Variants in RNF130 observed in about 807,000 individuals in gnomAD.
RNF130 encodes ring finger protein 130, also known as E3 ubiquitin-protein ligase RNF130.
A neutral mutation model predicts 44.6 loss-of-function variants in RNF130; 21 were observed. That is an observed-to-expected ratio of 0.47 (90% CI 0.33 to 0.68). The LOEUF (loss-of-function observed/expected upper bound fraction) is 0.68. RNF130 is among the 30% of genes least tolerant of loss of function. RNF130 has a pLI of 0.02. For synonymous variants in RNF130, 214 were observed against 210.4 expected, an observed-to-expected ratio of 1.02 and a Z score of -0.15; for missense variants, 479 against 560.6, an observed-to-expected ratio of 0.85 and a Z score of 1.47.
At chr5:180,009,577 G>A (rs1476520743) in intron 3 of RNF130, among the ~76,000 whole-genome samples, 2 of 152,212 alleles carry the variant, frequency 1.3e-5, no homozygotes, top group African/African-American at 4.8e-5. Flanking sequence ...AACACCAAGT[G>A]CTGTCGAGAG....
chr5:180,035,572 A>C (rs1157577124), intron 2 of RNF130, among the ~76,000 whole-genome samples: 4 of 152,208 alleles, frequency 2.6e-5, no homozygotes, highest in Non-Finnish European at 4.4e-5. Context: ...CTATCTAGCT[A>C]TTCTATCAAT....
chr5:180,070,866 C>T (rs1439573043), intron 1 of RNF130, among the ~76,000 whole-genome samples: 1 of 152,112 alleles, frequency 6.6e-6, no homozygotes, highest in Non-Finnish European at 1.5e-5. Flanking sequence ...GCTAGTAGTT[C>T]CGATTAGTGT....
intron 2 of RNF130, among the ~76,000 whole-genome samples, chr5:180,034,203 T>TA (rs564028581): frequency 0.038 from 5,537 of 145,618 alleles, 345 homozygotes; most frequent in African/African-American, 0.13. Context: ...TTTTCAGATG[T>TA]AAAAAAAAAA....
At chr5:180,010,505 G>A (rs867238934) in intron 3 of RNF130, among the ~76,000 whole-genome samples, 1 of 151,990 alleles carries the variant, frequency 6.6e-6, no homozygotes, top group African/African-American at 2.4e-5. Context: ...GACTACAGGC[G>A]CATGGCACCT....
intron 1 of RNF130, among the ~76,000 whole-genome samples, chr5:180,052,628 A>G (rs1204965412): frequency 6.6e-6 from 1 of 152,222 alleles, no homozygotes; most frequent in Non-Finnish European, 1.5e-5. Flanking sequence ...TCTGGACCAT[A>G]ATTTAAAATG....
At chr5:179,921,100 CT>C (rs1761626156) in intron 7 of RNF130, among the ~76,000 whole-genome samples, 1 of 152,048 alleles carries the variant, frequency 6.6e-6, no homozygotes, top group Admixed American at 6.6e-5. Context: ...TTCTATAAAA[CT>C]GTTTTTAAGC....
At chr5:179,935,347 G>A (rs1490957455) in intron 7 of RNF130, among the ~76,000 whole-genome samples, 4 of 151,976 alleles carry the variant, frequency 2.6e-5, no homozygotes, top group African/African-American at 9.7e-5. Flanking sequence ...TAGTTGATGA[G>A]GGCTATATAA....
chr5:180,067,295 G>A (rs765574528), intron 1 of RNF130, among the ~76,000 whole-genome samples: 23 of 151,936 alleles, frequency 1.5e-4, no homozygotes, highest in Admixed American at 1.2e-3. Context: ...AAGCTATATA[G>A]CCCATCATTG....
chr5:179,983,002 T>A (rs1453643106), intron 3 of RNF130, among the ~76,000 whole-genome samples: 2 of 152,352 alleles, frequency 1.3e-5, no homozygotes, highest in Middle Eastern at 6.8e-3. Context: ...TTTGCCTATA[T>A]GTGTACATTG....
In RNF130 at chr5:180,022,625, G is replaced by GA. The variant is rs559939685; in HGVS notation, c.443-9315dup. ...GCCACGGCACACATCAATGTACACG[G>GA]AGCTCACGTGACTGAAGGTTCCCAG... On this transcript the variant is annotated intron_variant, in intron 2 of 8. Coordinates refer to ENST00000521389, the MANE Select transcript of RNF130 (RefSeq NM_018434.6). Among the ~76,000 whole-genome samples, 25 of 152,268 alleles carry GA rather than the reference G, an allele frequency of 1.6e-4. No homozygotes were observed. The South Asian group carries it at 5.2e-3, about 32-fold the overall frequency.
In RNF130 at chr5:180,013,239, T is replaced by C; in HGVS notation, c.515A>G (p.Asn172Ser). 1.2e-6 allele frequency: 2 copies of C among 1,614,164 alleles called. No homozygotes were observed. The highest frequency in any genetic ancestry group is 1.7e-6 in the Non-Finnish European group (2 of 1,180,022). The part of the protein sequence containing the change: ...GKDILSYLEK[N>S]ISVQMTIAVG... ...AGCTATTGTCATTTGTACAGAGATGTTTTTCTCCAGATAACTCAAAATATC... is the reference window on the plus strand; with the variant it reads ...AGCTATTGTCATTTGTACAGAGATGCTTTTCTCCAGATAACTCAAAATATC... The change falls in exon 3 of 9, where the codon AAC (asparagine) becomes AGC (serine). Residue 172 changes from asparagine (N) to serine (S), a missense_variant. Coordinates refer to ENST00000521389, the MANE Select transcript of RNF130 (RefSeq NM_018434.6).
intron 2 of RNF130, among the ~76,000 whole-genome samples, chr5:180,017,032 T>C (rs1582192491): frequency 6.6e-6 from 1 of 152,198 alleles, no homozygotes; most frequent in Non-Finnish European, 1.5e-5. Context: ...TGTTTAGTTT[T>C]GTGTCCAGGA....
rs751757696 is a variant in RNF130 at position 179,955,652 on chromosome 5, C to T, written c.*2G>A. 6.3e-7 allele frequency: 1 copy of T among 1,584,014 alleles called. No individual in the cohort carries two copies. On this transcript the variant is annotated 3_prime_UTR_variant, in exon 9 of 9. Transcript: ENST00000521389. ...TCAGTCAGAAAGCAGGTTTTTTCTT[C>T]TTCAAAACCATTCTACCCTATGGAA...
chr5:180,059,638 G>T (rs1764923837), intron 1 of RNF130, among the ~76,000 whole-genome samples: 1 of 152,230 alleles, frequency 6.6e-6, no homozygotes, highest in Non-Finnish European at 1.5e-5. Flanking sequence ...AGAAATGTTG[G>T]AAAACCAACC....
At chr5:179,933,116 A>T (rs1761833174) in intron 7 of RNF130, among the ~76,000 whole-genome samples, 1 of 152,242 alleles carries the variant, frequency 6.6e-6, no homozygotes, top group African/African-American at 2.4e-5. Flanking sequence ...CAAGATCCAC[A>T]GAAGGACTTG....
At chr5:179,922,660 G>A (rs560871623) in intron 7 of RNF130, among the ~76,000 whole-genome samples, 27 of 151,880 alleles carry the variant, frequency 1.8e-4, no homozygotes, top group Admixed American at 9.8e-4. Flanking sequence ...ATTCTAGGCC[G>A]GGCACAGTGG....
At chr5:179,920,290 C>A (rs1042346425) in exon 8 of RNF130, 7 of 687,520 alleles carry the variant, frequency 1.0e-5, no homozygotes, top group Admixed American at 2.0e-5. Flanking sequence ...AAAGCAGTGA[C>A]CCCAACAGCC....
intron 3 of RNF130, among the ~76,000 whole-genome samples, chr5:179,993,037 C>G (rs1260475500): frequency 6.6e-6 from 1 of 152,140 alleles, no homozygotes; most frequent in Non-Finnish European, 1.5e-5. Flanking sequence ...ATCCATGTCC[C>G]TAAAAAGGAC....
chr5:179,967,593 T>A (rs1044581753), intron 6 of RNF130, among the ~76,000 whole-genome samples: 2 of 152,108 alleles, frequency 1.3e-5, no homozygotes, highest in Non-Finnish European at 2.9e-5. Context: ...TAGAGCTGCT[T>A]GGGGCCAAAG....
Sources: gnomAD v4.1 joint callset for allele counts (sites outside exome capture counted in the v4.1 genomes callset) on GRCh38, gnomAD v4.1.1 for gene constraint, MANE v1.5 for transcripts, NCBI Gene and HGNC (gene_info 2026-07-23, HGNC 2026-07-21) for gene names.